The following M1AP variants were observed in gnomAD, a reference collection of about 807,000 sequenced individuals.
M1AP encodes the protein meiosis 1 arrest protein.
A neutral mutation model predicts 51.2 loss-of-function variants in M1AP; 39 were observed. That is an observed-to-expected ratio of 0.76 (90% confidence interval 0.59 to 1.00). The LOEUF (loss-of-function observed/expected upper bound fraction) is 1.00. Among genes scored for constraint, M1AP ranks in the 50% least tolerant of loss-of-function variants. The pLI, the probability that M1AP is intolerant of heterozygous loss-of-function variation, is 0.00. For synonymous variants in M1AP, 251 were observed against 249.2 expected, an observed-to-expected ratio of 1.01 and a Z score of -0.07; for missense variants, 545 against 641.2, an observed-to-expected ratio of 0.85 and a Z score of 1.62.
chr2:74,562,388 TG>T lies in M1AP; in HGVS notation c.1109del (p.Pro370HisfsTer17). 6.2e-7 allele frequency: 1 copy of T among 1,614,250 alleles called. No homozygotes were observed. The highest frequency in any genetic ancestry group is 8.5e-7 in the Non-Finnish European group (1 of 1,180,044). On this transcript the variant is annotated frameshift_variant, in exon 8 of 11. Transcript: ENST00000421985. LOFTEE classifies it high-confidence loss of function. ...REWLLLAKGEPPGPGHSQRIP... is the reference protein window; with the variant it reads ...REWLLLAKGEXPGPGHSQRIP... ...TTCTCTGGCTGTGTCCTGGGCCCGGTGGTTCCCCCTTGGCTAACAGCAGCCA... is the reference window on the plus strand; with the variant it reads ...TTCTCTGGCTGTGTCCTGGGCCCGGTGTTCCCCCTTGGCTAACAGCAGCCA...
intron 8 of M1AP, among the ~76,000 whole-genome samples, chr2:74,561,050 G>A (rs1394002872): frequency 1.5e-5 from 2 of 133,566 alleles, no homozygotes; most frequent in Admixed American, 7.7e-5. Context: ...GGAGAAACAG[G>A]TGGAGGAGGA....
intron 7 of M1AP, among the ~76,000 whole-genome samples, chr2:74,564,762 C>T (rs1412670570): frequency 4.6e-5 from 7 of 152,106 alleles, no homozygotes; most frequent in Non-Finnish European, 1.0e-4. Context: ...AGGACATGGC[C>T]TGTTTAAGCC....
At chr2:74,637,623 G>C (rs1683057984) in intron 2 of M1AP, among the ~76,000 whole-genome samples, 1 of 152,172 alleles carries the variant, frequency 6.6e-6, no homozygotes. Context: ...TTTATGTTAG[G>C]TAGTCTTGAG....
chr2:74,626,969 C>T (rs1682433629), intron 2 of M1AP, among the ~76,000 whole-genome samples: 1 of 152,124 alleles, frequency 6.6e-6, no homozygotes, highest in Non-Finnish European at 1.5e-5. Context: ...TTGAACTTTA[C>T]TAGCAGAATG....
intron 1 of M1AP, among the ~76,000 whole-genome samples, chr2:74,645,642 A>G (rs565478095): frequency 6.6e-6 from 1 of 152,182 alleles, no homozygotes; most frequent in Non-Finnish European, 1.5e-5. Flanking sequence ...CTTTTCCTAG[A>G]AATTTCTGCA....
Position 74,648,308 on chromosome 2 carries a change from T to C in M1AP, c.-96A>G. The C allele has an allele frequency of 3.0e-6, 3 of 985,470 alleles. No homozygotes were observed. Among genetic ancestry groups the C allele is most frequent in the Non-Finnish European group, 3.6e-6 (3 of 829,984 alleles). 61.0% of individuals were successfully genotyped at this position (985,470 alleles called of 1,614,324 possible). A position where few individuals can be genotyped will look rare whatever the true frequency, so the allele number is the denominator to read the frequency against. On this transcript the variant is annotated 5_prime_UTR_variant, in exon 1 of 11. Coordinates refer to ENST00000421985, the MANE Select transcript of M1AP (RefSeq NM_001321739.2). ...GGCCCCCTCACCTGGTCCTCCCGGCTCTCAGCGTGCGCCCGCGCGTTCGGA... is the reference window on the plus strand; with the variant it reads ...GGCCCCCTCACCTGGTCCTCCCGGCCCTCAGCGTGCGCCCGCGCGTTCGGA...
At chr2:74,592,916 A>G (rs1279741988) in intron 4 of M1AP, among the ~76,000 whole-genome samples, 1 of 152,230 alleles carries the variant, frequency 6.6e-6, no homozygotes, top group East Asian at 1.9e-4. Flanking sequence ...TGCTAAATTA[A>G]TATCTATATT....
intron 2 of M1AP, among the ~76,000 whole-genome samples, chr2:74,622,527 G>C (rs1682114901): frequency 6.7e-6 from 1 of 149,740 alleles, no homozygotes; most frequent in African/African-American, 2.5e-5. Context: ...GAGCCACCGC[G>C]CCCGGCCATT....
chr2:74,604,819 T>C (rs1680874008), intron 4 of M1AP, among the ~76,000 whole-genome samples: 1 of 152,138 alleles, frequency 6.6e-6, no homozygotes, highest in Admixed American at 6.5e-5. Context: ...TCAAGGAAAA[T>C]GTCATTAAGG....
intron 4 of M1AP, among the ~76,000 whole-genome samples, chr2:74,586,440 C>T (rs1679713674): frequency 6.6e-6 from 1 of 152,102 alleles, no homozygotes; most frequent in South Asian, 2.1e-4. Flanking sequence ...TGCCACATGA[C>T]TTCCTTCCTT....
intron 7 of M1AP, among the ~76,000 whole-genome samples, chr2:74,563,618 A>AC (rs1180703148): frequency 4.0e-5 from 6 of 151,564 alleles, no homozygotes; most frequent in Non-Finnish European, 2.9e-5. Context: ...AAAAAAAAAA[A>AC]AAAAAAAAAC....
intron 4 of M1AP, among the ~76,000 whole-genome samples, chr2:74,603,692 G>T (rs2104688125): frequency 6.6e-6 from 1 of 152,324 alleles, no homozygotes; most frequent in South Asian, 2.1e-4. Context: ...GACACACAGT[G>T]AGAGCTCACA....
intron 1 of M1AP, among the ~76,000 whole-genome samples, chr2:74,646,073 GATATA>G (rs927036344): frequency 2.6e-5 from 4 of 152,144 alleles, no homozygotes; most frequent in African/African-American, 7.2e-5. Flanking sequence ...ATAGCGTACT[GATATA>G]ATATAGTGAT....
chr2:74,562,963 A>G (rs549140871), intron 7 of M1AP, among the ~76,000 whole-genome samples: 9 of 152,222 alleles, frequency 5.9e-5, no homozygotes, highest in Non-Finnish European at 8.8e-5. Context: ...CAAGACTTGT[A>G]TGGGGTGTTG....
At chr2:74,572,383 C>T (rs559643246) in intron 7 of M1AP, among the ~76,000 whole-genome samples, 2 of 152,274 alleles carry the variant, frequency 1.3e-5, no homozygotes, top group African/African-American at 4.8e-5. Flanking sequence ...TGCAGTGGTG[C>T]GATCATGGGT....
At chr2:74,645,630 T>C (rs1371341494) in intron 1 of M1AP, among the ~76,000 whole-genome samples, 1 of 152,228 alleles carries the variant, frequency 6.6e-6, no homozygotes, top group Non-Finnish European at 1.5e-5. Flanking sequence ...GAAGTTACCA[T>C]GCTTTTCCTA....
chr2:74,597,923 G>A (rs1037633614), intron 4 of M1AP, among the ~76,000 whole-genome samples: 5 of 152,140 alleles, frequency 3.3e-5, no homozygotes, highest in Non-Finnish European at 5.9e-5. Flanking sequence ...CAATAAAAAT[G>A]TAAGCTATGA....
intron 4 of M1AP, among the ~76,000 whole-genome samples, chr2:74,596,560 C>T (rs1680352865): frequency 6.6e-6 from 1 of 151,878 alleles, no homozygotes; most frequent in Non-Finnish European, 1.5e-5. Flanking sequence ...CAAGCCTGGG[C>T]AAAAGAGCGA....
At chr2:74,607,725 C>T (rs1382841885) in intron 3 of M1AP, among the ~76,000 whole-genome samples, 3 of 152,280 alleles carry the variant, frequency 2.0e-5, no homozygotes, top group South Asian at 4.1e-4. Context: ...CCGCCCGCCC[C>T]GGCCTCCCAG....
Sources: gnomAD v4.1 joint callset for allele counts (sites outside exome capture counted in the v4.1 genomes callset) on GRCh38, gnomAD v4.1.1 for gene constraint, MANE v1.5 for transcripts, NCBI Gene and HGNC (gene_info 2026-07-23, HGNC 2026-07-21) for gene names.